Variants in C8B observed in about 807,000 individuals in gnomAD.
The protein encoded by C8B is complement component C8 beta chain.
C8B carries 67 observed loss-of-function variants against 64.6 expected under a neutral mutation model. That is an observed-to-expected ratio of 1.04 (90% CI 0.85 to 1.27). The LOEUF (loss-of-function observed/expected upper bound fraction) is 1.27. C8B is among the 50% of genes most tolerant of loss of function. C8B has a pLI of 0.00. For synonymous variants in C8B, 284 were observed against 257.7 expected (o/e 1.10, Z -0.98); for missense variants, 790 against 725.2 (o/e 1.09, Z -1.03).
chr1:56,954,709 C>A lies in C8B; in HGVS notation c.510G>T (p.Trp170Cys). 6.2e-7 allele frequency: 1 copy of A among 1,614,184 alleles called. No homozygotes were observed. The highest frequency in any genetic ancestry group is 8.5e-7 in the Non-Finnish European group (1 of 1,180,014). The change falls in exon 4 of 12, where the codon TGG becomes TGT. Residue 170 changes from tryptophan to cysteine, a missense_variant. By Grantham distance (215) the Trp-to-Cys change is radical. Transcript: ENST00000371237. ...KKCQHEMDQY[W>C]GIGSLASGIN... is the part of the protein sequence containing the mutation. ...ACCCACTGGCCAGACTGCCAATTCC[C>A]CAGTATTGGTCCATTTCATGCTGAC...
chr1:56,931,912 G>A, intron 10 of C8B, 34 bp from the exon 11 acceptor site: 1 of 1,514,990 alleles, frequency 6.6e-7, no homozygotes, highest in Non-Finnish European at 9.2e-7. Context: ...TGTGAATCAT[G>A]CCAGGTGGAG....
chr1:56,939,755 G>A lies in C8B; in HGVS notation c.1398+1094C>T, dbSNP rs190514511. On this transcript the variant is annotated intron_variant, in intron 9 of 11. Transcript: ENST00000371237. The stretch of plus-strand genomic sequence containing the variant: ...CATCAAACCCACAGGAAAGTCTAGA[G>A]GGGAGGGAAGAAGTCAAAGTCTTTT... Among the ~76,000 whole-genome samples, 44 of 152,334 alleles carry A rather than the reference G, an allele frequency of 2.9e-4. No individual in the cohort carries two copies. The East Asian group carries it at 6.9e-3, about 24-fold the overall frequency.
At chr1:56,944,240 G>T (rs1045031832) in intron 7 of C8B, among the ~76,000 whole-genome samples, 3 of 151,916 alleles carry the variant, frequency 2.0e-5, no homozygotes, top group Non-Finnish European at 4.4e-5. Flanking sequence ...AATTAGTTGA[G>T]AAAATGCATA....
chr1:56,965,998 G>A lies in C8B; in HGVS notation c.-50C>T, dbSNP rs1645251390. Reference sequence around the variant, plus strand: ...ACAGAGGCTGCTAGACCCATAACAAGCCTGTGCTGTGAGTGCCACTGTCAG... The same window carrying A: ...ACAGAGGCTGCTAGACCCATAACAAACCTGTGCTGTGAGTGCCACTGTCAG... On this transcript the variant is annotated 5_prime_UTR_variant, in exon 1 of 12. Coordinates refer to ENST00000371237, the MANE Select transcript of C8B (RefSeq NM_000066.4). 1 of 1,612,256 alleles carries A rather than the reference G, an allele frequency of 6.2e-7. No homozygotes were observed.
At chr1:56,945,604 T>C (rs1366084006) in intron 7 of C8B, among the ~76,000 whole-genome samples, 1 of 152,052 alleles carries the variant, frequency 6.6e-6, no homozygotes, top group African/African-American at 2.4e-5. Flanking sequence ...AACCATGGGA[T>C]TGGATACAAT....
intron 8 of C8B, among the ~76,000 whole-genome samples, chr1:56,942,219 T>C (rs557564966): frequency 2.5e-3 from 374 of 151,950 alleles, no homozygotes; most frequent in African/African-American, 8.4e-3. Context: ...TCTCACTTCT[T>C]TGTGTGAGAT....
chr1:56,959,534 A>G lies in C8B; in HGVS notation c.249+486T>C, dbSNP rs1355336533. On this transcript the variant is annotated intron_variant, in intron 2 of 11. Transcript: ENST00000371237. ...AGTGGGAAATGTCATCCTACCTGAG[A>G]AAGCAGCATGAAGAAACGCCCAGAG... is the stretch of plus-strand genomic sequence containing the variant. 2.0e-6 allele frequency: 3 copies of G among 1,480,150 alleles called. No homozygotes were observed. The Admixed American group carries it at 5.9e-5, about 29-fold the overall frequency. The allele number at this position is 1,480,150 out of a possible 1,614,324, so 91.7% of individuals were successfully genotyped here. A position where few individuals can be genotyped will look rare whatever the true frequency, so the allele number is the denominator to read the frequency against.
At chr1:56,938,633 G>A (rs1042171689) in intron 9 of C8B, among the ~76,000 whole-genome samples, 4 of 152,046 alleles carry the variant, frequency 2.6e-5, no homozygotes, top group Non-Finnish European at 5.9e-5. Context: ...AAAGTTTACC[G>A]CTAAACATTA....
intron 9 of C8B, among the ~76,000 whole-genome samples, chr1:56,937,422 G>A (rs1280672500): frequency 2.6e-5 from 4 of 152,188 alleles, no homozygotes; most frequent in African/African-American, 4.8e-5. Context: ...TGTGGAGGTT[G>A]TTTCTCTGCA....
chr1:56,963,688 G>A (rs996585826), intron 1 of C8B: 4 of 177,648 alleles, frequency 2.3e-5, no homozygotes, highest in Non-Finnish European at 4.4e-5. Flanking sequence ...TGAATCCATA[G>A]TTAGCTGTTT....
chr1:56,932,159 A>G (rs1644711459), intron 10 of C8B, among the ~76,000 whole-genome samples: 1 of 152,196 alleles, frequency 6.6e-6, no homozygotes, highest in Non-Finnish European at 1.5e-5. Context: ...TTTCAGTGTC[A>G]GAAGCTACAT....
intron 6 of C8B, among the ~76,000 whole-genome samples, chr1:56,949,260 G>A (rs960895748): frequency 6.6e-6 from 1 of 152,148 alleles, no homozygotes; most frequent in Non-Finnish European, 1.5e-5. Context: ...TGTTGTTTCA[G>A]GAGAGGGTTA....
At position 56,940,927 on chromosome 1, in the gene C8B, G is replaced by T; in HGVS notation, c.1320C>A (p.Tyr440Ter). 2 of 1,614,058 alleles carry T rather than the reference G, an allele frequency of 1.2e-6. No individual in the cohort carries two copies. Among genetic ancestry groups the T allele is most frequent in the Non-Finnish European group, 1.7e-6 (2 of 1,180,000 alleles). ...GASEHITTLA[Y>*]QELPTADLMQ... ...TCAGGTCCGCCGTCGGCAGCTCCTG[G>T]TATGCCAGGGTGGTGATGTGCTCAC... Residue 440 changes from tyrosine to a stop codon, truncating the protein, a stop_gained, in exon 9 of 12, where the codon TAC becomes TAA. Coordinates refer to ENST00000371237, the MANE Select transcript of C8B (RefSeq NM_000066.4). LOFTEE classifies it high-confidence loss of function.
chr1:56,951,205 G>A (rs1645016151), intron 5 of C8B, among the ~76,000 whole-genome samples: 1 of 152,164 alleles, frequency 6.6e-6, no homozygotes, highest in Admixed American at 6.5e-5. Context: ...AGCCTCCCAA[G>A]TGGTTGGGAC....
intron 5 of C8B, among the ~76,000 whole-genome samples, chr1:56,951,180 T>A (rs1645015771): frequency 1.3e-5 from 2 of 152,108 alleles, no homozygotes; most frequent in African/African-American, 2.4e-5. Context: ...TGGGCTCAAG[T>A]GATCCTCCCG....
intron 4 of C8B, 78 bp downstream of exon 4, chr1:56,954,608 T>C: frequency 1.3e-6 from 2 of 1,562,732 alleles, no homozygotes; most frequent in Non-Finnish European, 8.8e-7. Context: ...TTTATATCAG[T>C]TCTCTCATTC....
intron 4 of C8B, among the ~76,000 whole-genome samples, chr1:56,953,857 C>T (rs1450241129): frequency 6.6e-6 from 1 of 152,138 alleles, no homozygotes; most frequent in African/African-American, 2.4e-5. Flanking sequence ...TCAACTTTCC[C>T]GGGCCTCAGT....
chr1:56,941,852 G>A (rs1215748500), intron 8 of C8B, among the ~76,000 whole-genome samples: 1 of 152,162 alleles, frequency 6.6e-6, no homozygotes, highest in African/African-American at 2.4e-5. Context: ...AGCTCACCTG[G>A]TGGAAACTGA....
At chr1:56,953,368 T>G (rs1431707694) in intron 4 of C8B, among the ~76,000 whole-genome samples, 2 of 152,216 alleles carry the variant, frequency 1.3e-5, no homozygotes, top group Non-Finnish European at 2.9e-5. Context: ...TATAATGTGG[T>G]GCTGACTTTG....
Sources: gnomAD v4.1 joint callset for allele counts (sites outside exome capture counted in the v4.1 genomes callset) on GRCh38, gnomAD v4.1.1 for gene constraint, MANE v1.5 for transcripts, NCBI Gene and HGNC (gene_info 2026-07-23, HGNC 2026-07-21) for gene names.